The following METAP1 variants were observed in gnomAD, a reference collection of about 807,000 sequenced individuals.
METAP1 encodes methionine aminopeptidase 1.
In METAP1, 28 loss-of-function variants were observed where a neutral mutation model predicts 53.8. The ratio of observed to expected loss-of-function variants is 0.52; its 90% CI spans 0.39 to 0.71. The LOEUF is 0.71. Ranked by LOEUF, METAP1 falls within the 30% of genes least tolerant of loss-of-function variation. METAP1 has a pLI of 0.00. For synonymous variants in METAP1, 181 were observed against 165.7 expected (o/e 1.09, Z -0.71); for missense variants, 389 against 479.8 (o/e 0.81, Z 1.77).
chr4:99,005,814 T>C (rs2123782), intron 1 of METAP1: 250,272 of 415,586 alleles, frequency 0.6, 78,364 homozygotes, highest in African/African-American at 0.73. Flanking sequence ...GAAGTAACTC[T>C]GGAATGGAAA....
At chr4:99,019,703 T>C (rs972985395) in intron 1 of METAP1, among the ~76,000 whole-genome samples, 1 of 152,228 alleles carries the variant, frequency 6.6e-6, no homozygotes, top group African/African-American at 2.4e-5. Flanking sequence ...ATCCTTCTCA[T>C]GTATGCTTTC....
At chr4:99,019,934 C>T (rs749031702) in intron 1 of METAP1, among the ~76,000 whole-genome samples, 34 of 152,084 alleles carry the variant, frequency 2.2e-4, no homozygotes, top group Non-Finnish European at 4.9e-4. Flanking sequence ...CATCAAAGGC[C>T]TTAGTGAGGT....
At chr4:99,018,329 G>A (rs1723897937) in intron 1 of METAP1, among the ~76,000 whole-genome samples, 1 of 152,196 alleles carries the variant, frequency 6.6e-6, no homozygotes, top group Admixed American at 6.5e-5. Context: ...AGTACACAGA[G>A]TATTCACTTA....
chr4:99,001,081 A>C (rs1722902248), intron 1 of METAP1, among the ~76,000 whole-genome samples: 1 of 152,208 alleles, frequency 6.6e-6, no homozygotes, highest in South Asian at 2.1e-4. Context: ...GTATCTTTGA[A>C]ATGCAACCCT....
chr4:98,996,035 C>T (rs1722604019), intron 1 of METAP1, among the ~76,000 whole-genome samples, 168 bp downstream of exon 1: 1 of 152,188 alleles, frequency 6.6e-6, no homozygotes, highest in Non-Finnish European at 1.5e-5. Flanking sequence ...CTCCTGCCTC[C>T]TGGGGTCCCT....
chr4:99,010,264 G>A (rs1241930399), intron 1 of METAP1, among the ~76,000 whole-genome samples: 2 of 152,106 alleles, frequency 1.3e-5, no homozygotes, highest in African/African-American at 4.8e-5. Flanking sequence ...AACCAGTTTG[G>A]GCAAGATGGT....
At chr4:98,997,913 C>T (rs1012294079) in intron 1 of METAP1, among the ~76,000 whole-genome samples, 2 of 152,208 alleles carry the variant, frequency 1.3e-5, no homozygotes, top group Non-Finnish European at 2.9e-5. Flanking sequence ...GTCATACTCT[C>T]TTAATTTATT....
intron 1 of METAP1, among the ~76,000 whole-genome samples, chr4:99,028,148 CTGTT>C (rs1280095211): frequency 6.6e-6 from 1 of 152,124 alleles, no homozygotes; most frequent in Non-Finnish European, 1.5e-5. Flanking sequence ...AAGTCTATGT[CTGTT>C]TGAATTATTC....
intron 4 of METAP1, among the ~76,000 whole-genome samples, chr4:99,038,790 A>G (rs1273033334): frequency 6.6e-6 from 1 of 152,168 alleles, no homozygotes; most frequent in Admixed American, 6.5e-5. Context: ...TTGTATGTGT[A>G]TATAAATAAA....
rs769294452 is a variant in METAP1, at chr4:99,045,264, A to G, written c.741A>G (p.Lys247=). 6 of 1,613,834 alleles carry G rather than the reference A, an allele frequency of 3.7e-6. No individual in the cohort carries two copies. The highest frequency in any genetic ancestry group is 5.1e-6 in the Non-Finnish European group (6 of 1,179,816). ...GAGAAGTGGATGATGGAGCACGGAAACTTGTTCAGACCACATATGAGTGCC... is the reference window on the plus strand; with the variant it reads ...GAGAAGTGGATGATGGAGCACGGAAGCTTGTTCAGACCACATATGAGTGCC... The part of the protein sequence containing the change: ...FVGEVDDGAR[K]LVQTTYECLM... Residue 247 remains lysine (K), a synonymous_variant, in exon 8 of 11, where the codon AAA becomes AAG. Coordinates refer to ENST00000296411, the MANE Select transcript of METAP1 (RefSeq NM_015143.3).
In METAP1 at chr4:99,061,291, C is replaced by T. The variant is rs998073773; in HGVS notation, c.1135C>T (p.Arg379Trp). 6.8e-6 allele frequency: 11 copies of T among 1,613,516 alleles called. No homozygotes were observed. Among genetic ancestry groups the T allele is most frequent in the Admixed American group, 1.7e-5 (1 of 59,944 alleles). The change falls in exon 11 of 11, where the codon CGG (arginine) becomes TGG (tryptophan). Residue 379 changes from arginine to tryptophan, a missense_variant. Coordinates refer to ENST00000296411, the MANE Select transcript of METAP1 (RefSeq NM_015143.3). ...EILTRRLDSA[R>W]PHFMSQF Reference sequence around the variant, plus strand: ...CCTAACCCGGCGACTTGACAGTGCACGGCCTCACTTCATGTCTCAATTTTA... The same window carrying T: ...CCTAACCCGGCGACTTGACAGTGCATGGCCTCACTTCATGTCTCAATTTTA...
intron 1 of METAP1, among the ~76,000 whole-genome samples, chr4:99,013,555 C>A (rs553746045): frequency 1.3e-5 from 2 of 152,330 alleles, no homozygotes; most frequent in South Asian, 4.1e-4. Flanking sequence ...GCACACCAAA[C>A]AAAGGAGACG....
chr4:99,015,128 A>G (rs1723682134), intron 1 of METAP1, among the ~76,000 whole-genome samples: 1 of 152,234 alleles, frequency 6.6e-6, no homozygotes, highest in Admixed American at 6.5e-5. Flanking sequence ...TACCGTGTGC[A>G]CAAGTGTAAC....
chr4:99,014,339 C>A (rs916829173), intron 1 of METAP1, among the ~76,000 whole-genome samples: 1 of 152,154 alleles, frequency 6.6e-6, no homozygotes, highest in African/African-American at 2.4e-5. Context: ...TTAATCATTA[C>A]GCAAACACCA....
chr4:99,017,599 T>C (rs1723841650), intron 1 of METAP1, among the ~76,000 whole-genome samples: 1 of 152,246 alleles, frequency 6.6e-6, no homozygotes, highest in Admixed American at 6.5e-5. Context: ...CTCTTAAGAA[T>C]CCGGCAGGGT....
chr4:99,017,195 C>G (rs181586750), intron 1 of METAP1, among the ~76,000 whole-genome samples: 5 of 152,342 alleles, frequency 3.3e-5, no homozygotes, highest in Admixed American at 2.0e-4. Flanking sequence ...ACACAAGTCA[C>G]TAATGACTCA....
intron 1 of METAP1, among the ~76,000 whole-genome samples, chr4:99,024,434 A>G (rs1201532962): frequency 1.3e-5 from 2 of 152,010 alleles, no homozygotes; most frequent in African/African-American, 2.4e-5. Context: ...TTTTACGGAT[A>G]ATTTGGTTGG....
chr4:99,025,665 C>T (rs1467332006), intron 1 of METAP1, among the ~76,000 whole-genome samples: 1 of 152,186 alleles, frequency 6.6e-6, no homozygotes, highest in Non-Finnish European at 1.5e-5. Context: ...TGAATGGACT[C>T]TCCCTCCTTG....
intron 5 of METAP1, among the ~76,000 whole-genome samples, chr4:99,039,775 G>A (rs939660342): frequency 2.6e-5 from 4 of 152,058 alleles, no homozygotes; most frequent in African/African-American, 7.2e-5. Flanking sequence ...TGTATTTTTA[G>A]TAGAGATGGG....
Sources: allele counts gnomAD v4.1 joint callset (sites outside exome capture counted in the v4.1 genomes callset), GRCh38; gene constraint gnomAD v4.1.1; transcripts MANE v1.5; gene names NCBI Gene and HGNC (gene_info 2026-07-23, HGNC 2026-07-21).